The following MRPS33 variants were observed in gnomAD, a reference collection of about 807,000 sequenced individuals.
MRPS33 encodes small ribosomal subunit protein mS33.
Under a neutral mutation model 11.2 loss-of-function variants are expected in MRPS33, and 11 were observed. The ratio of observed to expected loss-of-function variants is 0.99; its 90% CI spans 0.62 to 1.63. The LOEUF is 1.63. Among genes scored for constraint, MRPS33 ranks in the 40% most tolerant of loss-of-function variants. The pLI is 0.00. For missense variants in MRPS33, 109 were observed against 127.8 expected, an observed-to-expected ratio of 0.85 and a Z score of 0.71; for synonymous variants, 46 against 44.0, an observed-to-expected ratio of 1.05 and a Z score of -0.18.
At chr7:141,012,530 CAG>C (rs1175314243) in intron 1 of MRPS33, among the ~76,000 whole-genome samples, 3 of 152,170 alleles carry the variant, frequency 2.0e-5, no homozygotes, top group Non-Finnish European at 4.4e-5. Context: ...TGCAAATGTC[CAG>C]AGTCACCTAG....
chr7:141,010,755 T>C (rs1820657685), intron 1 of MRPS33, 95 bp from the exon 2 acceptor site: 1 of 900,814 alleles, frequency 1.1e-6, no homozygotes, highest in African/African-American at 1.6e-5. Flanking sequence ...AGCAAGCCAC[T>C]CATGGATCAG....
chr7:141,010,442 C>T lies in MRPS33; in HGVS notation c.192G>A (p.Thr64=), dbSNP rs747984083. 3.2e-5 allele frequency: 52 copies of T among 1,614,018 alleles called. No individual in the cohort carries two copies. Among genetic ancestry groups the T allele is most frequent in the South Asian group, 1.5e-4 (14 of 91,080 alleles). Residue 64 remains threonine (T), a synonymous_variant, in exon 2 of 3, where the codon ACG becomes ACA. Transcript: ENST00000324787. ...ACCTGTAGAGTCCAAGAAATCGGAG[C>T]GTCTGCATGAGTTCAGCGTAAGTGT... ...NHHTYAELMQ[T]LRFLGLYRDE...
rs1323181478 is a variant in MRPS33, at chr7:141,005,329, CTT to C, written c.*1099_*1100del. 2.0e-5 allele frequency: 3 copies of C among 152,166 alleles called. No individual in the cohort carries two copies. Among genetic ancestry groups the C allele is most frequent in the Non-Finnish European group, 4.4e-5 (3 of 68,060 alleles). The allele number at this position is 152,166 out of a possible 1,614,324, so 9.4% of individuals were successfully genotyped here. On this transcript the variant is annotated 3_prime_UTR_variant, in exon 3 of 3. Transcript: ENST00000324787. ...CTCACCATTTTCCTTTTGGCAACCT[CTT>C]ATTTATTCTTCAAGGTTCAGCTTAA...
In MRPS33 at chr7:141,005,058, A is replaced by ATTTC. The variant is rs2129163861; in HGVS notation, c.*1368_*1371dup. The ATTTC allele has an allele frequency of 6.6e-6, 1 of 152,274 alleles. No homozygotes were observed. Among genetic ancestry groups the ATTTC allele is most frequent in the Admixed American group, 6.5e-5 (1 of 15,290 alleles). The allele number at this position is 152,274 out of a possible 1,614,324, so 9.4% of individuals were successfully genotyped here. On this transcript the variant is annotated 3_prime_UTR_variant, in exon 3 of 3. Coordinates refer to ENST00000324787, the MANE Select transcript of MRPS33 (RefSeq NM_053035.3). ...CACTGTGCCCGGCCAAGCCTTCACA[A>ATTTC]TTTCTTTGGAAACTCATTGCTGGAA...
At chr7:141,013,973 T>C (rs1361352967) in intron 1 of MRPS33, among the ~76,000 whole-genome samples, 2 of 152,200 alleles carry the variant, frequency 1.3e-5, no homozygotes, top group South Asian at 2.1e-4. Flanking sequence ...AGTGTACATC[T>C]GTATGCCGAT....
At chr7:141,006,651 A>G in intron 2 of MRPS33, 116 bp from the exon 3 acceptor site, 1 of 834,392 alleles carries the variant, frequency 1.2e-6, no homozygotes, top group Non-Finnish European at 1.9e-6. Context: ...GACTTTTACA[A>G]GTTAGCCACA....
Position 141,010,453 on chromosome 7 carries a change from GT to G in MRPS33, c.180del (p.Glu60AspfsTer26). On this transcript the variant is annotated frameshift_variant, in exon 2 of 3. Transcript: ENST00000324787. LOFTEE classifies it high-confidence loss of function. ...DWYPNHHTYAELMQTLRFLGL... is the reference protein window; with the variant it reads ...DWYPNHHTYAXLMQTLRFLGL... The stretch of plus-strand genomic sequence containing the variant: ...CCAAGAAATCGGAGCGTCTGCATGA[GT>G]TCAGCGTAAGTGTGGTGATTTGGAT... The G allele has an allele frequency of 6.2e-7, 1 of 1,614,154 alleles. No homozygotes were observed. The highest frequency in any genetic ancestry group is 1.1e-5 in the South Asian group (1 of 91,066).
At chr7:141,011,836 A>G (rs1384916898) in intron 1 of MRPS33, among the ~76,000 whole-genome samples, 1 of 152,128 alleles carries the variant, frequency 6.6e-6, no homozygotes, top group Non-Finnish European at 1.5e-5. Flanking sequence ...GGAAGTTTTA[A>G]TGCCTGTTTC....
At chr7:141,006,606 A>G (rs1820537112) in intron 2 of MRPS33, 71 bp from the exon 3 acceptor site, 2 of 1,235,360 alleles carry the variant, frequency 1.6e-6, no homozygotes, top group Admixed American at 1.7e-5. Context: ...TCTAGCACGC[A>G]CTGCTCTCTT....
Position 141,004,320 on chromosome 7 carries a change from A to G in MRPS33, c.*2110T>C, listed in dbSNP as rs183663608. 1.3e-5 allele frequency: 2 copies of G among 152,330 alleles called. No homozygotes were observed. Among genetic ancestry groups the G allele is most frequent in the East Asian group, 3.9e-4 (2 of 5,184 alleles). 9.4% of individuals were successfully genotyped at this position (152,330 alleles called of 1,614,324 possible). ...CAAACAAAAAAAAAGGTCTAAATGA[A>G]TGAATTCTCCTTTTGCTGGAATTCA... On this transcript the variant is annotated 3_prime_UTR_variant, in exon 3 of 3. Transcript: ENST00000324787.
chr7:141,014,736 C>T (rs1820758460), intron 1 of MRPS33, 175 bp downstream of exon 1: 2 of 152,176 alleles, frequency 1.3e-5, no homozygotes, highest in Admixed American at 6.5e-5. Flanking sequence ...AAGAAATCCC[C>T]CAACTGAGGC....
chr7:141,004,326 TCTC>T lies in MRPS33; in HGVS notation c.*2101_*2103del, dbSNP rs1002924149. 6.6e-6 allele frequency: 1 copy of T among 152,170 alleles called. No homozygotes were observed. Among genetic ancestry groups the T allele is most frequent in the African/African-American group, 2.4e-5 (1 of 41,450 alleles). The allele number at this position is 152,170 out of a possible 1,614,324, so 9.4% of individuals were successfully genotyped here. On this transcript the variant is annotated 3_prime_UTR_variant, in exon 3 of 3. Coordinates refer to ENST00000324787, the MANE Select transcript of MRPS33 (RefSeq NM_053035.3). Reference sequence around the variant, plus strand: ...AAAAAAAAGGTCTAAATGAATGAATTCTCCTTTTGCTGGAATTCACTTCTACCA... The same window carrying T: ...AAAAAAAAGGTCTAAATGAATGAATTCTTTTGCTGGAATTCACTTCTACCA...
chr7:141,006,696 C>G (rs1339241443), intron 2 of MRPS33, among the ~76,000 whole-genome samples, 161 bp from the exon 3 acceptor site: 1 of 152,086 alleles, frequency 6.6e-6, no homozygotes, highest in Non-Finnish European at 1.5e-5. Flanking sequence ...ATAGGGAGTC[C>G]CTAACACAGA....
chr7:141,010,628 G>T lies in MRPS33; in HGVS notation c.6C>A (p.Ser2=), dbSNP rs749963525. The change falls in exon 2 of 3, where the codon TCC becomes TCA. Residue 2 remains serine (S), a synonymous_variant. Transcript: ENST00000324787. Reference sequence around the variant, plus strand: ...TGCGGAAGGCATATTCTGAAAGGGAGGACATTTCTTGAGTGGCAAGGAGTT... The same window carrying T: ...TGCGGAAGGCATATTCTGAAAGGGATGACATTTCTTGAGTGGCAAGGAGTT... M[S]SLSEYAFRMS... 8 of 1,613,930 alleles carry T rather than the reference G, an allele frequency of 5.0e-6. No homozygotes were observed. The African/African-American group carries it at 1.1e-4, about 22-fold the overall frequency.
intron 2 of MRPS33, among the ~76,000 whole-genome samples, chr7:141,007,145 A>G (rs1430803269): frequency 1.3e-5 from 2 of 152,176 alleles, no homozygotes; most frequent in Non-Finnish European, 2.9e-5. Context: ...TGCTTATATT[A>G]TAAAAAAAAG....
rs1820509871 is a variant in MRPS33, at chr7:141,005,758, G to A, written c.*672C>T. ...TCCATCCATGCTCTTATAGAAGTCT[G>A]GCTTTTTCCTTTGTAGCATGTAATA... On this transcript the variant is annotated 3_prime_UTR_variant, in exon 3 of 3. Coordinates refer to ENST00000324787, the MANE Select transcript of MRPS33 (RefSeq NM_053035.3). 1 of 152,118 alleles carries A rather than the reference G, an allele frequency of 6.6e-6. No individual in the cohort carries two copies. The highest frequency in any genetic ancestry group is 1.5e-5 in the Non-Finnish European group (1 of 68,070). The allele number at this position is 152,118 out of a possible 1,614,324, so 9.4% of individuals were successfully genotyped here. A position where few individuals can be genotyped will look rare whatever the true frequency, so the allele number is the denominator to read the frequency against.
At position 141,006,393 on chromosome 7, in the gene MRPS33, C is replaced by T; in HGVS notation, c.*37G>A. 6.6e-7 allele frequency: 1 copy of T among 1,520,344 alleles called. No individual in the cohort carries two copies. Among genetic ancestry groups the T allele is most frequent in the Non-Finnish European group, 9.1e-7 (1 of 1,099,730 alleles). The allele number at this position is 1,520,344 out of a possible 1,614,324, so 94.2% of individuals were successfully genotyped here. ...AATAAATGCACTTTCTTCTCTCCGCCACTGAGGAAGAAAGTCTCCCTCTTG... is the reference window on the plus strand; with the variant it reads ...AATAAATGCACTTTCTTCTCTCCGCTACTGAGGAAGAAAGTCTCCCTCTTG... On this transcript the variant is annotated 3_prime_UTR_variant, in exon 3 of 3. Coordinates refer to ENST00000324787, the MANE Select transcript of MRPS33 (RefSeq NM_053035.3).
chr7:141,003,935 G>T lies in MRPS33; in HGVS notation c.*2495C>A, dbSNP rs6971577. 6 of 152,152 alleles carry T rather than the reference G, an allele frequency of 3.9e-5. No individual in the cohort carries two copies. The highest frequency in any genetic ancestry group is 9.7e-5 in the African/African-American group (4 of 41,390). 9.4% of individuals were successfully genotyped at this position (152,152 alleles called of 1,614,324 possible). Reference sequence around the variant, plus strand: ...ACACATGCTCATTCACACAGTCTTAGGGACTAAGTCTATTTGTCTCTGTAT... The same window carrying T: ...ACACATGCTCATTCACACAGTCTTATGGACTAAGTCTATTTGTCTCTGTAT... On this transcript the variant is annotated 3_prime_UTR_variant, in exon 3 of 3. Coordinates refer to ENST00000324787, the MANE Select transcript of MRPS33 (RefSeq NM_053035.3).
rs1820445054 is a variant in MRPS33, at chr7:141,003,118, A to G, written c.*3312T>C. The G allele has an allele frequency of 6.6e-6, 1 of 152,224 alleles. No homozygotes were observed. The highest frequency in any genetic ancestry group is 1.5e-5 in the Non-Finnish European group (1 of 68,042). The allele number at this position is 152,224 out of a possible 1,614,324, so 9.4% of individuals were successfully genotyped here. ...GAATCTAAAACCCAGTCTTTTTACT[A>G]TGTTATGCTGAAATCGAGGGCAAAA... On this transcript the variant is annotated 3_prime_UTR_variant, in exon 3 of 3. Coordinates refer to ENST00000324787, the MANE Select transcript of MRPS33 (RefSeq NM_053035.3).
Sources: allele counts gnomAD v4.1 joint callset (sites outside exome capture counted in the v4.1 genomes callset), GRCh38; gene constraint gnomAD v4.1.1; transcripts MANE v1.5; gene names NCBI Gene and HGNC (gene_info 2026-07-23, HGNC 2026-07-21).